Variants in TLN2 observed in about 807,000 individuals in gnomAD.
The protein encoded by TLN2 is talin 2.
In TLN2, 118 loss-of-function variants were observed where a neutral mutation model predicts 294.7. That is an observed-to-expected ratio of 0.40 (90% confidence interval 0.34 to 0.47). The LOEUF is 0.47. Among genes scored for constraint, TLN2 ranks in the 20% least tolerant of loss-of-function variants. The pLI, the probability that TLN2 is intolerant of heterozygous loss-of-function variation, is 0.84. For synonymous variants in TLN2, 1,431 were observed against 1,304.5 expected (o/e 1.10, Z -2.09); for missense variants, 3,083 against 3,282.2 (o/e 0.94, Z 1.48).
At chr15:62,557,446 C>G (rs1179722003) in intron 1 of TLN2, among the ~76,000 whole-genome samples, 1 of 152,206 alleles carries the variant, frequency 6.6e-6, no homozygotes, top group Non-Finnish European at 1.5e-5. Flanking sequence ...GACTCTGGCA[C>G]TTTTACATGG....
intron 1 of TLN2, among the ~76,000 whole-genome samples, chr15:62,532,227 T>A (rs916210827): frequency 6.6e-6 from 1 of 151,892 alleles, no homozygotes; most frequent in African/African-American, 2.4e-5. Context: ...GTGGGTTGTT[T>A]GTTTGTTTTA....
At chr15:62,763,749 C>G in intron 40 of TLN2, 54 bp downstream of exon 40, 1 of 1,509,060 alleles carries the variant, frequency 6.6e-7, no homozygotes, top group Non-Finnish European at 8.9e-7. Flanking sequence ...GTTGAAAAAC[C>G]TTAGCATCAG....
At chr15:62,497,853 G>A (rs1441686718) in intron 1 of TLN2, among the ~76,000 whole-genome samples, 1 of 151,946 alleles carries the variant, frequency 6.6e-6, no homozygotes, top group African/African-American at 2.4e-5. Context: ...ATGTTATATA[G>A]CATTCTGGCT....
intron 33 of TLN2, 81 bp downstream of exon 33, chr15:62,748,525 C>A: frequency 8.7e-7 from 1 of 1,154,870 alleles, no homozygotes; most frequent in Non-Finnish European, 1.3e-6. Context: ...CTGTCTATGT[C>A]TGTGTCTGTT....
chr15:62,796,703 A>G (rs932025142), intron 47 of TLN2, among the ~76,000 whole-genome samples: 2 of 152,132 alleles, frequency 1.3e-5, no homozygotes, highest in Admixed American at 6.5e-5. Flanking sequence ...CAGCCTCTCT[A>G]TCTGCTGCTA....
At chr15:62,420,650 C>T (rs1039744822) in intron 1 of TLN2, among the ~76,000 whole-genome samples, 7 of 152,180 alleles carry the variant, frequency 4.6e-5, no homozygotes, top group Non-Finnish European at 1.0e-4. Flanking sequence ...ATATTAAAAG[C>T]CAGTGACTTT....
chr15:62,590,742 C>G (rs140635672), intron 2 of TLN2, among the ~76,000 whole-genome samples: 143 of 152,226 alleles, frequency 9.4e-4, no homozygotes, highest in East Asian at 7.5e-3. Context: ...TACGAAGCAT[C>G]CTGGGCAGAG....
In TLN2 at chr15:62,783,801, T is replaced by C. The variant is rs1187226434; in HGVS notation, c.5647T>C (p.Leu1883=). Residue 1883 remains leucine (L), a synonymous_variant, in exon 45 of 59, where the codon TTG becomes CTG. Coordinates refer to ENST00000636159, the MANE Select transcript of TLN2 (RefSeq NM_015059.3). ...TAAGTCGGTTACTAACCCGGAGGAG[T>C]TGGGAGGACTGGCTTCACAAATGAC... ...MTKSVTNPEE[L]GGLASQMTSD... is the part of the protein sequence containing the mutation. 4 of 1,609,646 alleles carry C rather than the reference T, an allele frequency of 2.5e-6. No homozygotes were observed. The highest frequency in any genetic ancestry group is 2.6e-6 in the Non-Finnish European group (3 of 1,176,440).
intron 1 of TLN2, among the ~76,000 whole-genome samples, chr15:62,512,505 C>T (rs955276024): frequency 1.3e-5 from 2 of 152,098 alleles, no homozygotes; most frequent in African/African-American, 2.4e-5. Flanking sequence ...CTAAATAGAC[C>T]ACTCTGTCTT....
intron 1 of TLN2, among the ~76,000 whole-genome samples, chr15:62,463,638 C>A (rs986136926): frequency 1.3e-5 from 2 of 152,212 alleles, no homozygotes; most frequent in African/African-American, 2.4e-5. Context: ...GTAATCCCAG[C>A]ACTTTGCGAC....
At chr15:62,677,530 A>T (rs2056350613) in intron 11 of TLN2, among the ~76,000 whole-genome samples, 2 of 152,206 alleles carry the variant, frequency 1.3e-5, no homozygotes, top group Non-Finnish European at 2.9e-5. Context: ...TTTGGAACCT[A>T]AGAAAAATCG....
At chr15:62,702,891 T>C in intron 19 of TLN2, 27 bp downstream of exon 19, 2 of 1,604,354 alleles carry the variant, frequency 1.2e-6, no homozygotes, top group Non-Finnish European at 1.7e-6. Flanking sequence ...CTTATAGTCA[T>C]GGAAAGAAGT....
At position 62,474,920 on chromosome 15, in the gene TLN2, GA is replaced by G. The variant is rs1040691444; in HGVS notation, c.-238+84246del. On this transcript the variant is annotated intron_variant, in intron 1 of 58. Coordinates refer to ENST00000636159, the MANE Select transcript of TLN2 (RefSeq NM_015059.3). The stretch of plus-strand genomic sequence containing the variant: ...ACCCAGAGTAACTAGAATGCTAATG[GA>G]AAAAAAAAAAGTGGGACTGGTTGCT... Among the ~76,000 whole-genome samples, 65 of 145,404 alleles carry G rather than the reference GA, an allele frequency of 4.5e-4. 1 individual carries two copies. Among genetic ancestry groups the G allele is most frequent in the East Asian group, 3.0e-3 (15 of 5,016 alleles).
At chr15:62,535,743 C>CG in intron 1 of TLN2, among the ~76,000 whole-genome samples, 1 of 152,004 alleles carries the variant, frequency 6.6e-6, no homozygotes, top group Non-Finnish European at 1.5e-5. Context: ...TTAGTAGAGA[C>CG]GGGGTTTCAC....
intron 2 of TLN2, among the ~76,000 whole-genome samples, chr15:62,610,065 A>T (rs1478050860): frequency 6.6e-6 from 1 of 152,176 alleles, no homozygotes; most frequent in Non-Finnish European, 1.5e-5. Context: ...CTCCAGACTT[A>T]GGAGGGGGTG....
In TLN2 at chr15:62,509,761, G is replaced by A. The variant is rs141685405; in HGVS notation, c.-237-79926G>A. 2.3e-3 allele frequency among the ~76,000 whole-genome samples: 350 copies of A among 152,246 alleles called. 1 individual carries two copies. The highest frequency in any genetic ancestry group is 8.1e-3 in the African/African-American group (338 of 41,542). On this transcript the variant is annotated intron_variant, in intron 1 of 58. Coordinates refer to ENST00000636159, the MANE Select transcript of TLN2 (RefSeq NM_015059.3). ...TTTACAGACAGGACCACTGAAGCCA[G>A]GGGAGGCTGTTGGGCTTGCCTGAGC...
intron 1 of TLN2, among the ~76,000 whole-genome samples, chr15:62,461,552 T>C (rs779842544): frequency 6.6e-5 from 10 of 152,248 alleles, no homozygotes; most frequent in Non-Finnish European, 1.5e-4. Context: ...TTTGCTTTGC[T>C]TTTCCTAGTG....
chr15:62,502,688 G>C (rs777677532), intron 1 of TLN2, among the ~76,000 whole-genome samples: 1 of 152,166 alleles, frequency 6.6e-6, no homozygotes, highest in Admixed American at 6.5e-5. Flanking sequence ...GAGAGGAGAC[G>C]GGGCGTCATC....
intron 3 of TLN2, among the ~76,000 whole-genome samples, chr15:62,641,216 G>C (rs1567240584): frequency 6.6e-6 from 1 of 152,120 alleles, no homozygotes; most frequent in Non-Finnish European, 1.5e-5. Context: ...GTACATAATA[G>C]ATACAAAATA....
Sources: allele counts gnomAD v4.1 joint callset (sites outside exome capture counted in the v4.1 genomes callset), GRCh38; gene constraint gnomAD v4.1.1; transcripts MANE v1.5; gene names NCBI Gene and HGNC (gene_info 2026-07-23, HGNC 2026-07-21).